The following TBX1 variants were observed in gnomAD, a reference collection of about 807,000 sequenced individuals.
The protein encoded by TBX1 is T-box transcription factor TBX1.
A neutral mutation model predicts 40.8 loss-of-function variants in TBX1; 16 were observed. The ratio of observed to expected loss-of-function variants is 0.39; its 90% CI spans 0.27 to 0.60. The LOEUF is 0.60. TBX1 is among the 20% of genes least tolerant of loss of function. The pLI is 0.51. For missense variants in TBX1, 755 were observed against 728.5 expected (o/e 1.04, Z -0.42); for synonymous variants, 403 against 336.8 (o/e 1.20, Z -2.15).
chr22:19,779,099 C>T, intron 8 of TBX1: 1 of 1,196,746 alleles, frequency 8.4e-7, no homozygotes, highest in Non-Finnish European at 1.2e-6. Context: ...GAGATGCAGT[C>T]CTGTCCTGCC....
rs41298824 is a variant in TBX1, at chr22:19,763,913, C to A, written c.540-242C>A. Among the ~76,000 whole-genome samples, 655 of 152,326 alleles carry A rather than the reference C, an allele frequency of 4.3e-3. 1 individual carries two copies. Among genetic ancestry groups the A allele is most frequent in the African/African-American group, 0.015 (618 of 41,558 alleles). On this transcript the variant is annotated intron_variant, in intron 2 of 6. Coordinates refer to ENST00000649276, the MANE Select transcript of TBX1 (RefSeq NM_001379200.1). ...AAATGAGATGGCAGGAGCCCAGCCTCCCCCTCTCGGTGCCCCACAGGGTGT... is the reference window on the plus strand; with the variant it reads ...AAATGAGATGGCAGGAGCCCAGCCTACCCCTCTCGGTGCCCCACAGGGTGT...
In TBX1 at chr22:19,766,766, G is replaced by A; in HGVS notation, c.1414G>A (p.Ala472Thr). ...HHHHHPVSPA[A>T]AAAAAAAAAA... The stretch of plus-strand genomic sequence containing the variant: ...CCACCACCACCCCGTGAGTCCAGCC[G>A]CCGCGGCCGCCGCCGCCGCTGCCGC... The change falls in exon 7 of 7, where the codon GCC becomes ACC. Residue 472 changes from alanine (A) to threonine (T), a missense_variant. Ala to Thr is a moderately conservative substitution (Grantham distance 58). Coordinates refer to ENST00000649276, the MANE Select transcript of TBX1 (RefSeq NM_001379200.1). 2.0e-6 allele frequency: 3 copies of A among 1,469,808 alleles called. No individual in the cohort carries two copies. Among genetic ancestry groups the A allele is most frequent in the East Asian group, 2.8e-5 (1 of 35,944 alleles). 91.0% of individuals were successfully genotyped at this position (1,469,808 alleles called of 1,614,324 possible). A position where few individuals can be genotyped will look rare whatever the true frequency, so the allele number is the denominator to read the frequency against.
At chr22:19,769,776 C>T (rs576310897), downstream of TBX1, among the ~76,000 whole-genome samples, 9 of 152,348 alleles carry the variant, frequency 5.9e-5, no homozygotes, top group South Asian at 1.0e-3. Flanking sequence ...GATTAGGTCA[C>T]GAGCGTGGAG....
At chr22:19,781,843 C>T (rs977716611), downstream of TBX1, among the ~76,000 whole-genome samples, 2 of 152,148 alleles carry the variant, frequency 1.3e-5, no homozygotes, top group Admixed American at 1.3e-4. Flanking sequence ...ATTTGGCCAG[C>T]CAGGTGCAGT....
chr22:19,773,562 C>T (rs1175904229), intron 8 of TBX1, among the ~76,000 whole-genome samples: 2 of 152,210 alleles, frequency 1.3e-5, no homozygotes, highest in Non-Finnish European at 2.9e-5. Flanking sequence ...CATCTCCAGG[C>T]AGGCACCCCC....
intron 4 of TBX1, 112 bp downstream of exon 4, chr22:19,765,225 C>T: frequency 1.3e-6 from 2 of 1,501,300 alleles, no homozygotes; most frequent in Non-Finnish European, 1.8e-6. Flanking sequence ...AGGCTGTGGT[C>T]CCAGTGGAGC....
At position 19,766,947 on chromosome 22, in the gene TBX1, A is replaced by C; in HGVS notation, c.*80A>C. 1 of 1,541,052 alleles carries C rather than the reference A, an allele frequency of 6.5e-7. No individual in the cohort carries two copies. Among genetic ancestry groups the C allele is most frequent in the Non-Finnish European group, 8.7e-7 (1 of 1,153,494 alleles). On this transcript the variant is annotated 3_prime_UTR_variant, in exon 7 of 7. Coordinates refer to ENST00000649276, the MANE Select transcript of TBX1 (RefSeq NM_001379200.1). ...GCCCGGCCACCCTGCCCCAAGGGCA[A>C]GCAAGGAATACGTTCCCCCAGCCCC... is the stretch of plus-strand genomic sequence containing the variant.
chr22:19,765,645 G>A, intron 4 of TBX1, 113 bp from the exon 5 acceptor site: 2 of 1,183,034 alleles, frequency 1.7e-6, no homozygotes, highest in East Asian at 2.6e-5. Flanking sequence ...TTCTTGTCAG[G>A]GCAGCAGAAA....
At chr22:19,773,228 A>G (rs1937017058) in intron 8 of TBX1, among the ~76,000 whole-genome samples, 1 of 152,198 alleles carries the variant, frequency 6.6e-6, no homozygotes, top group Non-Finnish European at 1.5e-5. Context: ...CAGCTGACCG[A>G]TCTGAAAGCC....
chr22:19,775,645 C>A (rs909910985), intron 8 of TBX1, among the ~76,000 whole-genome samples: 5 of 152,172 alleles, frequency 3.3e-5, no homozygotes, highest in African/African-American at 1.2e-4. Context: ...ACGCTCGGAA[C>A]CACAGGTCCG....
In TBX1 at chr22:19,760,998, C is replaced by A; in HGVS notation, c.155C>A (p.Pro52His). 3.2e-6 allele frequency: 3 copies of A among 943,962 alleles called. No homozygotes were observed. Among genetic ancestry groups the A allele is most frequent in the Non-Finnish European group, 3.8e-6 (3 of 795,116 alleles). 58.5% of individuals were successfully genotyped at this position (943,962 alleles called of 1,614,324 possible). The change falls in exon 1 of 7, where the codon CCC (proline) becomes CAC (histidine). Residue 52 changes from proline to histidine, a missense_variant. Coordinates refer to ENST00000649276, the MANE Select transcript of TBX1 (RefSeq NM_001379200.1). ...GCCGACCCGTACGGCCCGCGCGAGCCCCCGCCGCCGCCGCCGCGCTACGAC... is the reference window on the plus strand; with the variant it reads ...GCCGACCCGTACGGCCCGCGCGAGCACCCGCCGCCGCCGCCGCGCTACGAC... Reference protein sequence around the residue: ...PGADPYGPREPPPPPPRYDPC... With the variant: ...PGADPYGPREHPPPPPRYDPC...
In TBX1 at chr22:19,765,989, C is replaced by G; in HGVS notation, c.1023C>G (p.Ser341Arg). 6.6e-7 allele frequency: 1 copy of G among 1,511,802 alleles called. No homozygotes were observed. The highest frequency in any genetic ancestry group is 1.2e-5 in the South Asian group (1 of 81,530). The allele number at this position is 1,511,802 out of a possible 1,614,324, so 93.6% of individuals were successfully genotyped here. A position where few individuals can be genotyped will look rare whatever the true frequency, so the allele number is the denominator to read the frequency against. Residue 341 changes from serine to arginine, a missense_variant, in exon 6 of 7, where the codon AGC (serine) becomes AGG (arginine). Transcript: ENST00000649276. ...RNPVASPTQP[S>R]GTEKDAAEAR... Reference sequence around the variant, plus strand: ...CCGTGGCTTCCCCGACGCAGCCCAGCGGCACGGAGAAAGGTAGGGCCGGGG... The same window carrying G: ...CCGTGGCTTCCCCGACGCAGCCCAGGGGCACGGAGAAAGGTAGGGCCGGGG...
chr22:19,761,223 C>T lies in TBX1; in HGVS notation c.380C>T (p.Ala127Val), dbSNP rs1601283489. Residue 127 changes from alanine (A) to valine (V), a missense_variant, in exon 1 of 7, where the codon GCG (alanine) becomes GTG (valine). By Grantham distance (64) the Ala-to-Val change is moderately conservative. Coordinates refer to ENST00000649276, the MANE Select transcript of TBX1 (RefSeq NM_001379200.1). The stretch of plus-strand genomic sequence containing the variant: ...GTGAGCGTGCAGCTAGAGATGAAGG[C>T]GCTGTGGGACGAGTTCAACCAGCTG... ...AGVSVQLEMK[A>V]LWDEFNQLGT... 6.4e-7 allele frequency: 1 copy of T among 1,571,306 alleles called. No individual in the cohort carries two copies. The highest frequency in any genetic ancestry group is 8.6e-7 in the Non-Finnish European group (1 of 1,157,450).
intron 2 of TBX1, chr22:19,763,552 G>A: frequency 3.4e-6 from 2 of 594,466 alleles, no homozygotes; most frequent in Non-Finnish European, 6.0e-6. Context: ...CGCCTCTGGA[G>A]CCGCAGGCTG....
chr22:19,783,092 G>A, downstream of TBX1: 2 of 780,968 alleles, frequency 2.6e-6, no homozygotes, highest in Non-Finnish European at 4.7e-6. Flanking sequence ...GCACCTGAGT[G>A]AAGAGGCTGT....
At chr22:19,762,185 A>G (rs1936690157) in intron 1 of TBX1, among the ~76,000 whole-genome samples, 1 of 152,162 alleles carries the variant, frequency 6.6e-6, no homozygotes, top group South Asian at 2.1e-4. Flanking sequence ...CCTCCTGAGG[A>G]CAGCGGCAGC....
At chr22:19,771,095 G>A (rs560105259), downstream of TBX1, among the ~76,000 whole-genome samples, 5 of 152,232 alleles carry the variant, frequency 3.3e-5, no homozygotes, top group Admixed American at 6.5e-5. Flanking sequence ...CCAATGAGGC[G>A]GTGTGCTCGG....
chr22:19,761,407 C>A lies in TBX1; in HGVS notation c.437+127C>A, dbSNP rs1378070566. Reference sequence around the variant, plus strand: ...GGGCGCGGCCTGGCCACCTGCGGGCCCCTCTGGGCCCCGCTGCCTCCTTCG... The same window carrying A: ...GGGCGCGGCCTGGCCACCTGCGGGCACCTCTGGGCCCCGCTGCCTCCTTCG... On this transcript the variant is annotated intron_variant, in intron 1 of 6. Transcript: ENST00000649276. 3 of 1,242,128 alleles carry A rather than the reference C, an allele frequency of 2.4e-6. No homozygotes were observed. In the African/African-American group the frequency reaches 4.8e-5, roughly 20 times the overall value. The allele number at this position is 1,242,128 out of a possible 1,614,324, so 76.9% of individuals were successfully genotyped here.
rs1936646098 is a variant in TBX1, at chr22:19,761,136, C to T, written c.293C>T (p.Pro98Leu). The T allele has an allele frequency of 2.1e-6, 3 of 1,442,380 alleles. No individual in the cohort carries two copies. In the East Asian group the frequency reaches 9.5e-5, roughly 46 times the overall value. 89.3% of individuals were successfully genotyped at this position (1,442,380 alleles called of 1,614,324 possible). A position where few individuals can be genotyped will look rare whatever the true frequency, so the allele number is the denominator to read the frequency against. The change falls in exon 1 of 7, where the codon CCC (proline) becomes CTC (leucine). Residue 98 changes from proline to leucine, a missense_variant. Pro to Leu is a moderately conservative substitution (Grantham distance 98). Transcript: ENST00000649276. ...ATSAAAEPEG[P>L]GASCAAAAKA... ...AGCGCCGCCGCCGAGCCCGAGGGCC[C>T]CGGGGCCAGCTGCGCGGCCGCAGCC...
Sources: gnomAD v4.1 joint callset for allele counts (sites outside exome capture counted in the v4.1 genomes callset) on GRCh38, gnomAD v4.1.1 for gene constraint, MANE v1.5 for transcripts, NCBI Gene and HGNC (gene_info 2026-07-23, HGNC 2026-07-21) for gene names.